The following USP34 variants were observed in gnomAD, a reference collection of about 807,000 sequenced individuals.
USP34 encodes the protein ubiquitin carboxyl-terminal hydrolase 34.
Under a neutral mutation model 460.3 loss-of-function variants are expected in USP34, and 70 were observed. The observed-to-expected ratio is 0.15, with a 90% CI of 0.13 to 0.19. The LOEUF is 0.19. Among genes scored for constraint, USP34 ranks in the 10% least tolerant of loss-of-function variants. The probability of loss-of-function intolerance (pLI) is 1.00; values close to 1 mark genes in which losing one functional copy is unlikely to be tolerated. For synonymous variants in USP34, 1,647 were observed against 1,405.3 expected, an observed-to-expected ratio of 1.17 and a Z score of -3.85; for missense variants, 3,985 against 4,236.2, an observed-to-expected ratio of 0.94 and a Z score of 1.65.
At chr2:61,339,239 T>C (rs535797373) in intron 18 of USP34, 112 bp downstream of exon 18, 3 of 1,046,030 alleles carry the variant, frequency 2.9e-6, no homozygotes, top group African/African-American at 3.3e-5. Context: ...AAAAAACAGA[T>C]TAATACAGGT....
chr2:61,342,370 G>A (rs961413524), intron 16 of USP34, among the ~76,000 whole-genome samples: 8 of 139,070 alleles, frequency 5.8e-5, no homozygotes, highest in African/African-American at 2.2e-4. Flanking sequence ...GCGTGATCTC[G>A]GCTCACTGCA....
rs562055527 is a variant in USP34, at chr2:61,295,106, T to C, written c.4377+62A>G. ...ATTATAGAATGGAAAAGACAATACA[T>C]TATAGAATTTTGCTCCAGAGAGAAT... On this transcript the variant is annotated intron_variant, in intron 31 of 79. Transcript: ENST00000398571. The C allele has an allele frequency of 7.4e-4, 1,177 of 1,597,074 alleles. 7 individuals carry two copies. Among genetic ancestry groups the C allele is most frequent in the Middle Eastern group, 4.9e-3 (29 of 5,960 alleles).
chr2:61,356,475 G>GCGCGCACGCGCACA (rs369666693), intron 10 of USP34, among the ~76,000 whole-genome samples: 1 of 128,332 alleles, frequency 7.8e-6, no homozygotes, highest in African/African-American at 2.7e-5. Flanking sequence ...GGGTGAAAGC[G>GCGCGCACGCGCACA]CACACACACA....
Position 61,470,649 on chromosome 2 carries a change from CTTTCA to C in USP34, c.39_43del (p.Glu14IlefsTer7). The C allele has an allele frequency of 6.3e-7, 1 of 1,594,028 alleles. No homozygotes were observed. Among genetic ancestry groups the C allele is most frequent in the Non-Finnish European group, 8.5e-7 (1 of 1,169,594 alleles). On this transcript the variant is annotated frameshift_variant and splice_region_variant, in exon 1 of 80. Transcript: ENST00000398571. LOFTEE classifies it high-confidence loss of function. ...GACAGGCCGCTACCGCGGCTACTTA[CTTTCA>C]TTTAACACCTCCACCAGGTCTGCGC... is the stretch of plus-strand genomic sequence containing the variant.
chr2:61,207,140 T>TA (rs1309178117), intron 70 of USP34: 1 of 296,268 alleles, frequency 3.4e-6, no homozygotes, highest in East Asian at 6.8e-5. Flanking sequence ...CACATTTTTT[T>TA]AAAAAAGTAC....
chr2:61,226,953 T>C, intron 62 of USP34, 114 bp downstream of exon 62: 2 of 1,193,684 alleles, frequency 1.7e-6, no homozygotes, highest in African/African-American at 1.6e-5. Flanking sequence ...TGAATAACAA[T>C]TACATAATTA....
intron 20 of USP34, among the ~76,000 whole-genome samples, chr2:61,328,467 G>T (rs1309383290): frequency 6.6e-6 from 1 of 151,988 alleles, no homozygotes; most frequent in African/African-American, 2.4e-5. Context: ...AAAAAATACT[G>T]AAATAAGTAT....
intron 1 of USP34, among the ~76,000 whole-genome samples, chr2:61,427,069 C>T (rs1367788565): frequency 1.3e-5 from 2 of 152,236 alleles, no homozygotes; most frequent in East Asian, 3.9e-4. Context: ...ATGGAGTTGC[C>T]CAGGCTGGAG....
chr2:61,195,336 TATCCGG>T (rs1180630434), intron 75 of USP34, among the ~76,000 whole-genome samples: 1 of 148,592 alleles, frequency 6.7e-6, no homozygotes, highest in East Asian at 2.0e-4. Context: ...TGAGCCATCA[TATCCGG>T]CTGGCTTTTA....
chr2:61,236,947 T>C (rs1688086973), intron 53 of USP34, among the ~76,000 whole-genome samples: 1 of 152,240 alleles, frequency 6.6e-6, no homozygotes, highest in Non-Finnish European at 1.5e-5. Flanking sequence ...TTGATATTAC[T>C]AGCTGTTTTT....
At chr2:61,230,832 G>A (rs1344621924) in intron 58 of USP34, among the ~76,000 whole-genome samples, 5 of 122,266 alleles carry the variant, frequency 4.1e-5, no homozygotes, top group East Asian at 4.5e-4. Context: ...CCACAAGAGC[G>A]AAACTCCGTC....
intron 41 of USP34, among the ~76,000 whole-genome samples, chr2:61,272,521 C>T (rs976111184): frequency 6.6e-6 from 1 of 151,970 alleles, no homozygotes; most frequent in Non-Finnish European, 1.5e-5. Context: ...AAATATTCCA[C>T]GTCAAAGCAC....
chr2:61,324,069 G>A (rs1184318206), intron 21 of USP34, among the ~76,000 whole-genome samples: 1 of 152,172 alleles, frequency 6.6e-6, no homozygotes, highest in Non-Finnish European at 1.5e-5. Flanking sequence ...CCATCAGGCT[G>A]ACAATATATT....
intron 1 of USP34, among the ~76,000 whole-genome samples, chr2:61,463,904 C>A (rs1451253096): frequency 1.3e-5 from 2 of 151,936 alleles, no homozygotes; most frequent in Non-Finnish European, 2.9e-5. Flanking sequence ...TCACATGTGA[C>A]CCTAAGCAAG....
chr2:61,242,933 G>A (rs1439218230), intron 51 of USP34, among the ~76,000 whole-genome samples: 1 of 151,148 alleles, frequency 6.6e-6, no homozygotes, highest in Non-Finnish European at 1.5e-5. Context: ...TGCAATCTCC[G>A]CCTGGTTCAA....
At chr2:61,285,972 T>C (rs1689677962) in intron 34 of USP34, among the ~76,000 whole-genome samples, 1 of 152,202 alleles carries the variant, frequency 6.6e-6, no homozygotes, top group East Asian at 1.9e-4. Flanking sequence ...AGGCACTGTT[T>C]CTGCACTGGG....
At chr2:61,278,960 AAAC>A (rs1284053385) in intron 39 of USP34, among the ~76,000 whole-genome samples, 4 of 152,186 alleles carry the variant, frequency 2.6e-5, no homozygotes, top group Non-Finnish European at 4.4e-5. Context: ...CGTTATAACT[AAAC>A]AACAACATTA....
At chr2:61,468,325 A>G (rs1279931081) in intron 1 of USP34, among the ~76,000 whole-genome samples, 2 of 152,184 alleles carry the variant, frequency 1.3e-5, no homozygotes, top group East Asian at 1.9e-4. Context: ...CTGGGATTAC[A>G]AGCATGTGCC....
At chr2:61,397,517 G>A (rs867847956) in intron 3 of USP34, among the ~76,000 whole-genome samples, 2 of 151,922 alleles carry the variant, frequency 1.3e-5, no homozygotes, top group Non-Finnish European at 2.9e-5. Context: ...TAGAATCCCA[G>A]CACTTTGGGA....
Sources: allele counts gnomAD v4.1 joint callset (sites outside exome capture counted in the v4.1 genomes callset), GRCh38; gene constraint gnomAD v4.1.1; transcripts MANE v1.5; gene names NCBI Gene and HGNC (gene_info 2026-07-23, HGNC 2026-07-21).